The following ZBTB7C variants were observed in gnomAD, a reference collection of about 807,000 sequenced individuals.
ZBTB7C encodes the protein zinc finger and BTB domain containing 7C.
ZBTB7C carries 8 observed loss-of-function variants against 25.7 expected under a neutral mutation model. That is an observed-to-expected ratio of 0.31 (90% CI 0.18 to 0.56). ZBTB7C has a LOEUF of 0.56. Among genes scored for constraint, ZBTB7C ranks in the 20% least tolerant of loss-of-function variants. The pLI is 0.91. For missense variants in ZBTB7C, 824 were observed against 855.2 expected (o/e 0.96, Z 0.46); for synonymous variants, 394 against 369.0 (o/e 1.07, Z -0.78).
intron 3 of ZBTB7C, 121 bp from the exon 4 acceptor site, chr18:48,041,244 C>T: frequency 1.4e-6 from 2 of 1,428,578 alleles, no homozygotes; most frequent in East Asian, 5.0e-5. Context: ...CAAGGCCAGT[C>T]CTCCTACCTC....
At chr18:48,395,461 ATGTG>A (rs71165324) in intron 1 of ZBTB7C, among the ~76,000 whole-genome samples, 8,639 of 83,446 alleles carry the variant, frequency 0.1, 401 homozygotes, top group East Asian at 0.11. Context: ...TTCTATTCAA[ATGTG>A]TGTGTGTGTG....
At chr18:48,084,711 C>A (rs371217246) in intron 3 of ZBTB7C, among the ~76,000 whole-genome samples, 2 of 152,202 alleles carry the variant, frequency 1.3e-5, no homozygotes, top group Admixed American at 1.3e-4. Flanking sequence ...GGCCTTCCCA[C>A]CCACTTCTTG....
At position 48,370,554 on chromosome 18, in the gene ZBTB7C, T is replaced by C. The variant is rs977657827; in HGVS notation, c.-303-32156A>G. Among the ~76,000 whole-genome samples the C allele has an allele frequency of 2.6e-5, 4 of 152,132 alleles. No individual in the cohort carries two copies. The South Asian group carries it at 8.3e-4, about 32-fold the overall frequency. On this transcript the variant is annotated intron_variant, in intron 1 of 4. Coordinates refer to ENST00000590800, the MANE Select transcript of ZBTB7C (RefSeq NM_001318841.2). The stretch of plus-strand genomic sequence containing the variant: ...TATTGTACTATAGTTTCATAAGATA[T>C]TGCCATTGGGGGAAACTGGGTTAAA...
chr18:48,047,690 G>A (rs996681058), intron 3 of ZBTB7C, among the ~76,000 whole-genome samples: 1 of 152,116 alleles, frequency 6.6e-6, no homozygotes, highest in Non-Finnish European at 1.5e-5. Flanking sequence ...TGTAAAATGA[G>A]AGCATCTGTC....
rs886515878 is a variant in ZBTB7C, at chr18:48,114,896, G to A, written c.-17+71038C>T. Among the ~76,000 whole-genome samples the A allele has an allele frequency of 1.1e-4, 17 of 152,168 alleles. No individual in the cohort carries two copies. In the East Asian group the frequency reaches 1.2e-3, roughly 10 times the overall value. On this transcript the variant is annotated intron_variant, in intron 3 of 4. Coordinates refer to ENST00000590800, the MANE Select transcript of ZBTB7C (RefSeq NM_001318841.2). Reference sequence around the variant, plus strand: ...TCAAAATAACTAACAATTTTTTTCCGTTTTTTATTTTTTGGGAAAATATGT... The same window carrying A: ...TCAAAATAACTAACAATTTTTTTCCATTTTTTATTTTTTGGGAAAATATGT...
At chr18:48,394,937 A>G (rs1249904345) in intron 1 of ZBTB7C, among the ~76,000 whole-genome samples, 1 of 152,196 alleles carries the variant, frequency 6.6e-6, no homozygotes, top group Admixed American at 6.5e-5. Flanking sequence ...TAACTGGTCG[A>G]TTATCCCCTC....
intron 1 of ZBTB7C, among the ~76,000 whole-genome samples, chr18:48,344,144 C>T (rs1269192501): frequency 2.0e-5 from 3 of 152,260 alleles, no homozygotes; most frequent in East Asian, 1.9e-4. Context: ...CCTCCACACC[C>T]GGCTAATTTT....
intron 2 of ZBTB7C, among the ~76,000 whole-genome samples, chr18:48,297,297 C>A (rs2045422533): frequency 6.6e-6 from 1 of 152,136 alleles, no homozygotes; most frequent in African/African-American, 2.4e-5. Flanking sequence ...TCCTTTAACC[C>A]CACCCAGCAT....
intron 2 of ZBTB7C, among the ~76,000 whole-genome samples, chr18:48,305,280 CCTT>C (rs1449802406): frequency 2.6e-4 from 40 of 152,274 alleles, no homozygotes; most frequent in African/African-American, 7.5e-4. Context: ...ATACCTGAGA[CCTT>C]CTGAAGAGGC....
At chr18:48,347,490 A>G (rs1174191418) in intron 1 of ZBTB7C, among the ~76,000 whole-genome samples, 2 of 151,954 alleles carry the variant, frequency 1.3e-5, no homozygotes. Flanking sequence ...CGCAGAACTG[A>G]CTGGCAGAGC....
intron 1 of ZBTB7C, among the ~76,000 whole-genome samples, chr18:48,345,528 T>C (rs1160268363): frequency 6.6e-6 from 1 of 151,894 alleles, no homozygotes; most frequent in African/African-American, 2.4e-5. Context: ...TGTGCTTTCC[T>C]GGCATACCAG....
At chr18:48,164,581 G>C (rs1253780784) in intron 3 of ZBTB7C, among the ~76,000 whole-genome samples, 1 of 151,976 alleles carries the variant, frequency 6.6e-6, no homozygotes, top group Non-Finnish European at 1.5e-5. Flanking sequence ...AACCCACCAG[G>C]ACCCCTCCAG....
intron 3 of ZBTB7C, among the ~76,000 whole-genome samples, chr18:48,112,409 C>T (rs1173740836): frequency 6.6e-6 from 1 of 150,612 alleles, no homozygotes; most frequent in African/African-American, 2.5e-5. Flanking sequence ...TACAGTGGTG[C>T]GATCTCAGCT....
intron 2 of ZBTB7C, among the ~76,000 whole-genome samples, chr18:48,192,123 A>G (rs1186551617): frequency 6.6e-6 from 1 of 152,258 alleles, no homozygotes; most frequent in African/African-American, 2.4e-5. Context: ...ATAAAAAGAA[A>G]TGAGCAATCA....
chr18:48,126,439 G>A (rs950104646), intron 3 of ZBTB7C, among the ~76,000 whole-genome samples: 11 of 152,192 alleles, frequency 7.2e-5, no homozygotes, highest in African/African-American at 2.4e-4. Flanking sequence ...GACCCCCAGT[G>A]GCTCTTGAAT....
intron 3 of ZBTB7C, among the ~76,000 whole-genome samples, chr18:48,127,681 G>A (rs551518587): frequency 7.9e-5 from 12 of 152,306 alleles, no homozygotes; most frequent in African/African-American, 1.9e-4. Flanking sequence ...TCATCCCAGC[G>A]TGGGCTTTGG....
chr18:48,163,402 G>T (rs943755700), intron 3 of ZBTB7C, among the ~76,000 whole-genome samples: 2 of 152,292 alleles, frequency 1.3e-5, no homozygotes, highest in Admixed American at 1.3e-4. Context: ...GTAGCAATGT[G>T]GGGGAGAAGC....
chr18:48,220,372 G>A (rs1317203405), intron 2 of ZBTB7C, among the ~76,000 whole-genome samples: 1 of 152,172 alleles, frequency 6.6e-6, no homozygotes, highest in East Asian at 1.9e-4. Context: ...CAGAGATGCT[G>A]GGCTAAGGCT....
chr18:48,199,373 C>T (rs2042385206), intron 2 of ZBTB7C, among the ~76,000 whole-genome samples: 1 of 152,158 alleles, frequency 6.6e-6, no homozygotes, highest in South Asian at 2.1e-4. Flanking sequence ...GTCTTCTTTT[C>T]CCACATTCTG....
Sources: allele counts gnomAD v4.1 joint callset (sites outside exome capture counted in the v4.1 genomes callset), GRCh38; gene constraint gnomAD v4.1.1; transcripts MANE v1.5; gene names NCBI Gene and HGNC (gene_info 2026-07-23, HGNC 2026-07-21).